The following ZHX2 variants were observed in gnomAD, a reference collection of about 807,000 sequenced individuals.
The protein encoded by ZHX2 is zinc fingers and homeoboxes 2.
A neutral mutation model predicts 21.9 loss-of-function variants in ZHX2; 6 were observed. The observed-to-expected ratio is 0.27, with a 90% CI of 0.15 to 0.54. The LOEUF (loss-of-function observed/expected upper bound fraction) is 0.54. Ranked by LOEUF, ZHX2 falls within the 20% of genes least tolerant of loss-of-function variation. The pLI, the probability that ZHX2 is intolerant of heterozygous loss-of-function variation, is 0.95. For missense variants in ZHX2, 908 were observed against 1,090.7 expected, an observed-to-expected ratio of 0.83 and a Z score of 2.36; for synonymous variants, 434 against 437.1, an observed-to-expected ratio of 0.99 and a Z score of 0.09.
chr8:122,928,134 GCTCCATCTC>G (rs1820901595), intron 2 of ZHX2, among the ~76,000 whole-genome samples: 1 of 152,066 alleles, frequency 6.6e-6, no homozygotes, highest in Non-Finnish European at 1.5e-5. Flanking sequence ...CCTAAGCCAG[GCTCCATCTC>G]CTCCATCTCA....
chr8:122,792,904 C>A (rs1189102450), intron 1 of ZHX2, among the ~76,000 whole-genome samples: 5 of 152,206 alleles, frequency 3.3e-5, no homozygotes, highest in Admixed American at 2.0e-4. Flanking sequence ...GTACCTCACC[C>A]CGGTCCAGGC....
chr8:122,905,615 A>G (rs1414566593), intron 2 of ZHX2, among the ~76,000 whole-genome samples: 3 of 152,234 alleles, frequency 2.0e-5, no homozygotes, highest in South Asian at 2.1e-4. Context: ...TCTGTTGCCA[A>G]AACAAAAGCA....
At chr8:122,930,908 G>A (rs1449104873) in intron 2 of ZHX2, among the ~76,000 whole-genome samples, 3 of 152,132 alleles carry the variant, frequency 2.0e-5, no homozygotes, top group Admixed American at 1.3e-4. Flanking sequence ...CCACCAAGAT[G>A]TCACACCAGG....
chr8:122,789,944 G>A (rs1817478769), intron 1 of ZHX2, among the ~76,000 whole-genome samples: 1 of 152,206 alleles, frequency 6.6e-6, no homozygotes, highest in African/African-American at 2.4e-5. Context: ...CCAAGAACCA[G>A]GGCTCTTGGG....
At chr8:122,874,305 C>T (rs1465992785) in intron 2 of ZHX2, among the ~76,000 whole-genome samples, 1 of 152,166 alleles carries the variant, frequency 6.6e-6, no homozygotes, top group Admixed American at 6.5e-5. Flanking sequence ...TAATATTCAT[C>T]CAGCACTCAC....
intron 2 of ZHX2, among the ~76,000 whole-genome samples, chr8:122,892,393 A>T (rs1191820339): frequency 6.6e-6 from 1 of 151,982 alleles, no homozygotes; most frequent in African/African-American, 2.4e-5. Flanking sequence ...GTATTTTTTT[A>T]AATTGGAAAT....
chr8:122,820,390 G>A (rs535880687), intron 1 of ZHX2, among the ~76,000 whole-genome samples: 204 of 152,354 alleles, frequency 1.3e-3, no homozygotes, highest in African/African-American at 4.5e-3. Flanking sequence ...GGGGAATGTG[G>A]GCCTCTGGCA....
intron 1 of ZHX2, among the ~76,000 whole-genome samples, chr8:122,859,596 A>C (rs1819114070): frequency 6.6e-6 from 1 of 151,274 alleles, no homozygotes; most frequent in African/African-American, 2.4e-5. Flanking sequence ...GGATTGAAGG[A>C]GGGGAGGGGA....
rs572094347 is a variant in ZHX2 at position 122,823,770 on chromosome 8, C to T, written c.-282-39707C>T. 1.6e-4 allele frequency among the ~76,000 whole-genome samples: 25 copies of T among 152,314 alleles called. No homozygotes were observed. In the South Asian group the frequency reaches 5.2e-3, roughly 32 times the overall value. ...GACAGCTCTGAGGGGTCTTCCCAGA[C>T]CAGTTACGGCTGCTGTTGACACCTT... On this transcript the variant is annotated intron_variant, in intron 1 of 3. Transcript: ENST00000314393.
At chr8:122,901,770 A>T (rs1820236231) in intron 2 of ZHX2, among the ~76,000 whole-genome samples, 1 of 152,138 alleles carries the variant, frequency 6.6e-6, no homozygotes, top group Non-Finnish European at 1.5e-5. Flanking sequence ...CACCTCCTAG[A>T]TACTAGTAGC....
intron 2 of ZHX2, among the ~76,000 whole-genome samples, chr8:122,930,768 G>A (rs1041717620): frequency 1.3e-5 from 2 of 151,988 alleles, no homozygotes; most frequent in Non-Finnish European, 2.9e-5. Flanking sequence ...GGGAATACAG[G>A]TGTGAGCCAC....
At chr8:122,833,184 C>G (rs116459093) in intron 1 of ZHX2, among the ~76,000 whole-genome samples, 57 of 152,200 alleles carry the variant, frequency 3.7e-4, no homozygotes, top group African/African-American at 1.3e-3. Flanking sequence ...TGGAGGGAAT[C>G]GTGAAAAGTA....
intron 1 of ZHX2, among the ~76,000 whole-genome samples, chr8:122,801,772 G>A (rs1408160925): frequency 6.6e-6 from 1 of 152,086 alleles, no homozygotes; most frequent in Non-Finnish European, 1.5e-5. Flanking sequence ...AGAGATTAAA[G>A]AGGCAGAGAC....
At chr8:122,860,868 A>G (rs544900954) in intron 1 of ZHX2, among the ~76,000 whole-genome samples, 3 of 152,138 alleles carry the variant, frequency 2.0e-5, no homozygotes, top group African/African-American at 7.2e-5. Context: ...CCCGATCTCT[A>G]CTAAAAATAC....
At chr8:122,904,960 T>C (rs1388227261) in intron 2 of ZHX2, among the ~76,000 whole-genome samples, 4 of 152,084 alleles carry the variant, frequency 2.6e-5, no homozygotes, top group Non-Finnish European at 4.4e-5. Flanking sequence ...GACATAACCA[T>C]ATGGAAATTT....
intron 2 of ZHX2, among the ~76,000 whole-genome samples, chr8:122,877,324 C>T (rs1819595192): frequency 6.6e-6 from 1 of 152,172 alleles, no homozygotes; most frequent in Admixed American, 6.5e-5. Context: ...TAAATGCTAG[C>T]TAGGACTGCA....
rs561935961 is a variant in ZHX2 at position 122,839,683 on chromosome 8, T to G, written c.-282-23794T>G. On this transcript the variant is annotated intron_variant, in intron 1 of 3. Coordinates refer to ENST00000314393, the MANE Select transcript of ZHX2 (RefSeq NM_014943.5). ...CCAGAAATCACTGCAAGTTGTACAG[T>G]CCCCAGGATATGGTGGCACGGGGTG... Among the ~76,000 whole-genome samples the G allele has an allele frequency of 3.9e-5, 6 of 152,158 alleles. No homozygotes were observed. The South Asian group carries it at 1.2e-3, about 31-fold the overall frequency.
chr8:122,913,023 A>G (rs1820518064), intron 2 of ZHX2, among the ~76,000 whole-genome samples: 1 of 152,214 alleles, frequency 6.6e-6, no homozygotes, highest in African/African-American at 2.4e-5. Flanking sequence ...ATTGGCAGTT[A>G]CTAGTTTGTT....
At chr8:122,805,183 G>A (rs1817799475) in intron 1 of ZHX2, among the ~76,000 whole-genome samples, 1 of 152,220 alleles carries the variant, frequency 6.6e-6, no homozygotes, top group African/African-American at 2.4e-5. Flanking sequence ...CAGCAAGTGG[G>A]ACCTGGAGAG....
Sources: allele counts gnomAD v4.1 joint callset (sites outside exome capture counted in the v4.1 genomes callset), GRCh38; gene constraint gnomAD v4.1.1; transcripts MANE v1.5; gene names NCBI Gene and HGNC (gene_info 2026-07-23, HGNC 2026-07-21).